PDE1A: variants seen among roughly 807,000 people sequenced by gnomAD.
PDE1A encodes phosphodiesterase 1A, also known as dual specificity calcium/calmodulin-dependent 3',5'-cyclic nucleotide phosphodiesterase 1A.
Under a neutral mutation model 61.7 loss-of-function variants are expected in PDE1A, and 35 were observed. The ratio of observed to expected loss-of-function variants is 0.57; its 90% CI spans 0.43 to 0.75. The LOEUF (loss-of-function observed/expected upper bound fraction) is 0.75, where lower values mean the gene tolerates loss of function less well. Ranked by LOEUF, PDE1A falls within the 30% of genes least tolerant of loss-of-function variation. The probability of loss-of-function intolerance (pLI) is 0.00; values close to 1 mark genes in which losing one functional copy is unlikely to be tolerated. For missense variants in PDE1A, 597 were observed against 630.6 expected, an observed-to-expected ratio of 0.95 and a Z score of 0.57; for synonymous variants, 232 against 213.2, an observed-to-expected ratio of 1.09 and a Z score of -0.77.
At chr2:182,454,518 A>G (rs1194772013) in intron 2 of PDE1A, among the ~76,000 whole-genome samples, 4 of 152,064 alleles carry the variant, frequency 2.6e-5, no homozygotes, top group African/African-American at 9.7e-5. Context: ...ACTTCAAACT[A>G]TACAACAAGG....
At chr2:182,596,396 C>A in the PDE1A span, among the ~76,000 whole-genome samples, 1 of 152,170 alleles carries the variant, frequency 6.6e-6, no homozygotes, top group Non-Finnish European at 1.5e-5. Flanking sequence ...TACCTTCCCC[C>A]AGGGAGGCTG....
chr2:182,200,470 G>A (rs1161120783), intron 10 of PDE1A, among the ~76,000 whole-genome samples: 1 of 152,192 alleles, frequency 6.6e-6, no homozygotes, highest in African/African-American at 2.4e-5. Flanking sequence ...GCTCAGTAGA[G>A]CTTCCTGGAT....
At chr2:182,587,464 T>C in the PDE1A span, among the ~76,000 whole-genome samples, 2 of 152,198 alleles carry the variant, frequency 1.3e-5, no homozygotes, top group Middle Eastern at 3.2e-3. Context: ...TGAGAAATTA[T>C]CTCTACAATT....
chr2:182,710,859 A>T, the PDE1A span, among the ~76,000 whole-genome samples: 1 of 152,140 alleles, frequency 6.6e-6, no homozygotes, highest in Non-Finnish European at 1.5e-5. Flanking sequence ...CTCCACATCT[A>T]TGCTAACTCT....
chr2:182,555,161 C>A, the PDE1A span, among the ~76,000 whole-genome samples: 1 of 152,188 alleles, frequency 6.6e-6, no homozygotes, highest in Non-Finnish European at 1.5e-5. Flanking sequence ...GACTTCAGAG[C>A]TTTCTGTTGA....
the PDE1A span, among the ~76,000 whole-genome samples, chr2:182,528,886 T>C: frequency 1.3e-4 from 20 of 152,332 alleles, no homozygotes; most frequent in Middle Eastern, 3.4e-3. Flanking sequence ...AATCAAGAAT[T>C]GAGGTTTGGG....
chr2:182,194,845 C>T (rs975160755), intron 10 of PDE1A, among the ~76,000 whole-genome samples: 1 of 150,966 alleles, frequency 6.6e-6, no homozygotes, highest in Non-Finnish European at 1.5e-5. Flanking sequence ...TAGAAGTTAA[C>T]ACATCACAAA....
chr2:182,179,118 T>G (rs777820039), intron 13 of PDE1A, among the ~76,000 whole-genome samples: 1 of 152,156 alleles, frequency 6.6e-6, no homozygotes, highest in African/African-American at 2.4e-5. Context: ...ACAGGTAGCA[T>G]GAGGACATAG....
At chr2:182,205,057 C>A (rs1427078646) in intron 8 of PDE1A, among the ~76,000 whole-genome samples, 1 of 151,738 alleles carries the variant, frequency 6.6e-6, no homozygotes, top group Non-Finnish European at 1.5e-5. Flanking sequence ...TTTCTTTTTA[C>A]CTTGATTTAA....
chr2:182,599,620 T>G, the PDE1A span, among the ~76,000 whole-genome samples: 1 of 147,042 alleles, frequency 6.8e-6, no homozygotes, highest in Non-Finnish European at 1.5e-5. Context: ...TTTATATTCT[T>G]TAAACTGATA....
At chr2:182,528,731 C>T in the PDE1A span, among the ~76,000 whole-genome samples, 2 of 152,182 alleles carry the variant, frequency 1.3e-5, no homozygotes, top group Non-Finnish European at 2.9e-5. Flanking sequence ...GTGCTGTGTA[C>T]AGCCTAGGGA....
chr2:182,490,211 A>T (rs4666845), intron 2 of PDE1A, among the ~76,000 whole-genome samples: 128 of 152,132 alleles, frequency 8.4e-4, no homozygotes, highest in African/African-American at 2.9e-3. Context: ...GTTTCAGTGT[A>T]GAAAGGGAGA....
At chr2:182,599,497 G>A in the PDE1A span, among the ~76,000 whole-genome samples, 1 of 152,130 alleles carries the variant, frequency 6.6e-6, no homozygotes, top group South Asian at 2.1e-4. Flanking sequence ...TAAAAGAAAG[G>A]ACATACATCC....
the PDE1A span, among the ~76,000 whole-genome samples, chr2:182,686,751 G>A: frequency 1.7e-4 from 26 of 152,342 alleles, no homozygotes; most frequent in East Asian, 9.6e-4. Context: ...CCCGGGAAAC[G>A]CAAGGGCTCA....
chr2:182,426,216 C>G (rs1031883973), intron 1 of PDE1A, among the ~76,000 whole-genome samples: 2 of 152,220 alleles, frequency 1.3e-5, no homozygotes, highest in African/African-American at 4.8e-5. Context: ...TGAAACACTG[C>G]CCTTGCCTGT....
chr2:182,208,909 T>C (rs988508863), intron 7 of PDE1A, among the ~76,000 whole-genome samples: 8 of 152,208 alleles, frequency 5.3e-5, no homozygotes, highest in South Asian at 2.1e-4. Flanking sequence ...AACTTGTTTT[T>C]CATTTTACAA....
intron 3 of PDE1A, among the ~76,000 whole-genome samples, chr2:182,236,030 T>C (rs912762227): frequency 6.6e-6 from 1 of 152,222 alleles, no homozygotes; most frequent in African/African-American, 2.4e-5. Context: ...CTGTGTTTAA[T>C]TACATCTCTA....
chr2:182,141,920 T>G (rs1004285039), exon 15 of PDE1A: 2 of 152,332 alleles, frequency 1.3e-5, no homozygotes, highest in Non-Finnish European at 2.9e-5. Context: ...GTGCTTGATC[T>G]TTCTTGTCAG....
At chr2:182,410,198 A>G (rs1186530732) in intron 1 of PDE1A, among the ~76,000 whole-genome samples, 1 of 151,764 alleles carries the variant, frequency 6.6e-6, no homozygotes, top group Non-Finnish European at 1.5e-5. Context: ...CAATTTAAAA[A>G]AGAAAAATTT....
Sources: allele counts gnomAD v4.1 joint callset (sites outside exome capture counted in the v4.1 genomes callset), GRCh38; gene constraint gnomAD v4.1.1; transcripts MANE v1.5; gene names NCBI Gene and HGNC (gene_info 2026-07-23, HGNC 2026-07-21).